C5orf34: variants seen among roughly 807,000 people sequenced by gnomAD.
C5orf34 encodes the protein uncharacterized protein C5orf34.
In C5orf34, 73 loss-of-function variants were observed where a neutral mutation model predicts 78.4. The ratio of observed to expected loss-of-function variants is 0.93; its 90% CI spans 0.77 to 1.13. The LOEUF is 1.13. Among genes scored for constraint, C5orf34 ranks in the 50% most tolerant of loss-of-function variants. The pLI, the probability that C5orf34 is intolerant of heterozygous loss-of-function variation, is 0.00. For missense variants in C5orf34, 730 were observed against 732.7 expected, an observed-to-expected ratio of 1.00 and a Z score of 0.04; for synonymous variants, 251 against 246.6, an observed-to-expected ratio of 1.02 and a Z score of -0.17.
At chr5:43,503,346 A>C (rs1561213730) in intron 5 of C5orf34, among the ~76,000 whole-genome samples, 1 of 152,208 alleles carries the variant, frequency 6.6e-6, no homozygotes, top group African/African-American at 2.4e-5. Context: ...AAACAACTTG[A>C]TCCTCCAATG....
At chr5:43,499,258 T>G (rs1410168832) in intron 6 of C5orf34, among the ~76,000 whole-genome samples, 2 of 152,156 alleles carry the variant, frequency 1.3e-5, no homozygotes, top group African/African-American at 4.8e-5. Flanking sequence ...AAGTAAATTG[T>G]TCCCTTAGCT....
chr5:43,496,052 T>G (rs1328535757), intron 6 of C5orf34: 3 of 1,585,164 alleles, frequency 1.9e-6, no homozygotes, highest in African/African-American at 2.7e-5. Context: ...CAGAAGGGCA[T>G]GCTCTCAGGT....
At position 43,502,503 on chromosome 5, in the gene C5orf34, A is replaced by G. The variant is rs761756218; in HGVS notation, c.1029-8T>C. The G allele has an allele frequency of 2.9e-5, 44 of 1,518,258 alleles. No individual in the cohort carries two copies. The Middle Eastern group carries it at 1.0e-3, about 36-fold the overall frequency. 94.0% of individuals were successfully genotyped at this position (1,518,258 alleles called of 1,614,324 possible). On this transcript the variant is annotated splice_polypyrimidine_tract_variant and splice_region_variant and intron_variant, in intron 5 of 12. Transcript: ENST00000306862. ...ATATTTTGATGGGTAAGTCTAAGAA[A>G]TAGAAATAACCATTAAAAATTTTTT... is the stretch of plus-strand genomic sequence containing the variant.
At chr5:43,506,799 A>C (rs1746001516) in intron 3 of C5orf34, among the ~76,000 whole-genome samples, 1 of 152,076 alleles carries the variant, frequency 6.6e-6, no homozygotes, top group South Asian at 2.1e-4. Context: ...TCATAGCTAA[A>C]AATTTTTCTT....
intron 1 of C5orf34, chr5:43,511,312 C>G (rs1444658205): frequency 1.3e-5 from 2 of 158,366 alleles, no homozygotes; most frequent in Non-Finnish European, 2.7e-5. Context: ...TAGTGAGGAC[C>G]GTCTCTGCCC....
Position 43,504,034 on chromosome 5 carries a change from T to C in C5orf34, c.933-274A>G, listed in dbSNP as rs1488821749. Among the ~76,000 whole-genome samples, 7 of 152,330 alleles carry C rather than the reference T, an allele frequency of 4.6e-5. 1 individual carries two copies. The highest frequency in any genetic ancestry group is 3.9e-4 in the Admixed American group (6 of 15,304). On this transcript the variant is annotated intron_variant, in intron 4 of 12. Coordinates refer to ENST00000306862, the MANE Select transcript of C5orf34 (RefSeq NM_198566.4). Reference sequence around the variant, plus strand: ...CATTTAAAATTTAGCCTGGATTCGCTAGGCATGGTGGCTCATGCCTGTAAT... The same window carrying C: ...CATTTAAAATTTAGCCTGGATTCGCCAGGCATGGTGGCTCATGCCTGTAAT...
intron 3 of C5orf34, among the ~76,000 whole-genome samples, chr5:43,506,879 G>C (rs192917277): frequency 8.0e-5 from 12 of 150,930 alleles, no homozygotes; most frequent in African/African-American, 2.2e-4. Context: ...ATTATTGACA[G>C]AACAACTCAG....
intron 10 of C5orf34, 48 bp downstream of exon 10, chr5:43,492,167 A>C (rs774624511): frequency 8.2e-7 from 1 of 1,225,822 alleles, no homozygotes; most frequent in Admixed American, 1.9e-5. Context: ...ATTCTCTGTT[A>C]GTTAAAAGTA....
intron 11 of C5orf34, 84 bp from the exon 12 acceptor site, chr5:43,488,033 T>A: frequency 9.8e-7 from 1 of 1,022,862 alleles, no homozygotes; most frequent in Non-Finnish European, 1.4e-6. Context: ...CCTGACTTTT[T>A]TTTTCATTAG....
rs759536999 is a variant in C5orf34 at position 43,494,498 on chromosome 5, G to A, written c.1244+12C>T. 14 of 1,558,612 alleles carry A rather than the reference G, an allele frequency of 9.0e-6. No homozygotes were observed. Among genetic ancestry groups the A allele is most frequent in the East Asian group, 4.5e-5 (2 of 44,398 alleles). ...ACATAACATTTGATTCAATTGAATG[G>A]GAAGAACTTACCTTGTTGCCTGTTT... On this transcript the variant is annotated intron_variant, in intron 7 of 12. Transcript: ENST00000306862.
At chr5:43,505,182 T>A (rs1745927632) in intron 4 of C5orf34, among the ~76,000 whole-genome samples, 1 of 152,242 alleles carries the variant, frequency 6.6e-6, no homozygotes, top group African/African-American at 2.4e-5. Flanking sequence ...CTACAATCCT[T>A]AGTGGAGTTA....
At chr5:43,492,982 C>A in intron 8 of C5orf34, 92 bp from the exon 9 acceptor site, 2 of 736,200 alleles carry the variant, frequency 2.7e-6, no homozygotes, top group Admixed American at 3.0e-5. Flanking sequence ...ATTTTGGATA[C>A]TTATTCAGAA....
In C5orf34 at chr5:43,502,487, TG is replaced by T; in HGVS notation, c.1036del (p.His346IlefsTer4). 1 of 1,553,552 alleles carries T rather than the reference TG, an allele frequency of 6.4e-7. No individual in the cohort carries two copies. The highest frequency in any genetic ancestry group is 1.2e-5 in the South Asian group (1 of 85,342). On this transcript the variant is annotated frameshift_variant, in exon 6 of 13. Transcript: ENST00000306862. LOFTEE classifies it high-confidence loss of function. ...WYKGVTYRLTHQNMNSIEIYS... is the reference protein window; with the variant it reads ...WYKGVTYRLTXQNMNSIEIYS... The stretch of plus-strand genomic sequence containing the variant: ...AATCTCTATTGAGTTCATATTTTGA[TG>T]GGTAAGTCTAAGAAATAGAAATAAC...
At chr5:43,508,527 A>T in intron 3 of C5orf34, 50 bp downstream of exon 3, 1 of 1,051,222 alleles carries the variant, frequency 9.5e-7, no homozygotes, top group Non-Finnish European at 1.5e-6. Context: ...ACCTGTTTCT[A>T]GTTACTTGTC....
intron 5 of C5orf34, among the ~76,000 whole-genome samples, 178 bp downstream of exon 5, chr5:43,503,487 G>A (rs1262207415): frequency 2.0e-5 from 3 of 152,292 alleles, no homozygotes; most frequent in African/African-American, 7.2e-5. Flanking sequence ...GGACCCTTGT[G>A]TGCACTAATA....
intron 1 of C5orf34, among the ~76,000 whole-genome samples, chr5:43,510,904 C>T (rs1340219566): frequency 1.3e-5 from 2 of 152,052 alleles, no homozygotes; most frequent in African/African-American, 4.8e-5. Context: ...GGCCGCCCAT[C>T]ATCTGGGATG....
intron 6 of C5orf34, chr5:43,495,487 G>T (rs1457586869): frequency 6.2e-6 from 10 of 1,606,098 alleles, no homozygotes; most frequent in Non-Finnish European, 8.5e-6. Flanking sequence ...CACCAGCAAC[G>T]TTGCCACGAC....
intron 6 of C5orf34, among the ~76,000 whole-genome samples, chr5:43,497,420 G>A (rs1265284761): frequency 2.0e-5 from 3 of 152,122 alleles, no homozygotes; most frequent in Non-Finnish European, 4.4e-5. Context: ...TTCTTCAGAT[G>A]AGAAAACTGA....
In C5orf34 at chr5:43,506,132, C is replaced by T. The variant is rs547412168; in HGVS notation, c.548G>A (p.Arg183His). 1.0e-4 allele frequency: 165 copies of T among 1,614,206 alleles called. 2 individuals are homozygous for T. Among genetic ancestry groups the T allele is most frequent in the South Asian group, 9.4e-4 (86 of 91,084 alleles). Reference protein sequence around the residue: ...LVEKTGKICIRGNLPGQRLKN... With the variant: ...LVEKTGKICIHGNLPGQRLKN... ...CAGTCTCTGTCCTGGTAAATTTCCA[C>T]GTATACAGATTTTGCCAGTTTTTTC... The change falls in exon 4 of 13, where the codon CGT becomes CAT. Residue 183 changes from arginine (R) to histidine (H), a missense_variant. Transcript: ENST00000306862.
Sources: gnomAD v4.1 joint callset for allele counts (sites outside exome capture counted in the v4.1 genomes callset) on GRCh38, gnomAD v4.1.1 for gene constraint, MANE v1.5 for transcripts, NCBI Gene and HGNC (gene_info 2026-07-23, HGNC 2026-07-21) for gene names.